C8B: variants seen among roughly 807,000 people sequenced by gnomAD.
C8B encodes the protein complement component C8 beta chain.
C8B carries 67 observed loss-of-function variants against 64.6 expected under a neutral mutation model. The observed-to-expected ratio is 1.04, with a 90% CI of 0.85 to 1.27. The LOEUF is 1.27. Among genes scored for constraint, C8B ranks in the 50% most tolerant of loss-of-function variants. C8B has a pLI of 0.00. For missense variants in C8B, 790 were observed against 725.2 expected (o/e 1.09, Z -1.03); for synonymous variants, 284 against 257.7 (o/e 1.10, Z -0.98).
At chr1:56,942,587 C>T (rs1374434576) in intron 8 of C8B, among the ~76,000 whole-genome samples, 1 of 152,006 alleles carries the variant, frequency 6.6e-6, no homozygotes, top group African/African-American at 2.4e-5. Flanking sequence ...TGCCTGTAGT[C>T]CCAGCTTTTG....
At chr1:56,935,338 T>A (rs2101365690) in intron 9 of C8B, among the ~76,000 whole-genome samples, 1 of 152,298 alleles carries the variant, frequency 6.6e-6, no homozygotes, top group East Asian at 1.9e-4. Flanking sequence ...GCTGCTCATT[T>A]TTTTCCTGTC....
At chr1:56,951,896 C>A (rs1645025148) in intron 5 of C8B, 152 bp downstream of exon 5, 1 of 802,666 alleles carries the variant, frequency 1.2e-6, no homozygotes, top group African/African-American at 1.7e-5. Context: ...ATCTTCACCA[C>A]AATGTCTGGA....
intron 6 of C8B, among the ~76,000 whole-genome samples, chr1:56,947,132 T>C (rs1644953912): frequency 6.6e-6 from 1 of 152,236 alleles, no homozygotes; most frequent in Non-Finnish European, 1.5e-5. Flanking sequence ...CCTCCTTCAA[T>C]GCCCCAGTCA....
chr1:56,938,367 C>T (rs1412200593), intron 9 of C8B, among the ~76,000 whole-genome samples: 1 of 152,190 alleles, frequency 6.6e-6, no homozygotes, highest in African/African-American at 2.4e-5. Context: ...TGTTTGGCTT[C>T]CTGTATTCAG....
chr1:56,945,731 G>A, intron 7 of C8B, 90 bp downstream of exon 7: 7 of 1,514,814 alleles, frequency 4.6e-6, no homozygotes, highest in East Asian at 2.3e-5. Context: ...CTGTGAAGGT[G>A]TAGCCAGGAA....
At chr1:56,934,892 C>T (rs1411501762) in intron 9 of C8B, among the ~76,000 whole-genome samples, 1 of 152,146 alleles carries the variant, frequency 6.6e-6, no homozygotes, top group East Asian at 1.9e-4. Flanking sequence ...TGAAAGGCTG[C>T]CATTAACCAA....
intron 9 of C8B, among the ~76,000 whole-genome samples, chr1:56,939,328 CA>C (rs1328970821): frequency 6.3e-4 from 96 of 152,310 alleles, no homozygotes; most frequent in African/African-American, 2.3e-3. Flanking sequence ...TGTTTGCCAG[CA>C]ACTGTACCCT....
In C8B at chr1:56,943,719, C is replaced by T. The variant is rs1350539959; in HGVS notation, c.1211G>A (p.Arg404Lys). The T allele has an allele frequency of 6.2e-7, 1 of 1,614,120 alleles. No homozygotes were observed. Among genetic ancestry groups the T allele is most frequent in the Admixed American group, 1.7e-5 (1 of 60,012 alleles). The part of the protein sequence containing the change: ...VSLGVSVGKC[R>K]GILNEIKDRN... ...ACCTTTTATTTCATTCAGAATACCT[C>T]TGCATTTGCCTACAGACACACCCAG... Residue 404 changes from arginine to lysine, a missense_variant, in exon 8 of 12, where the codon AGA becomes AAA. Coordinates refer to ENST00000371237, the MANE Select transcript of C8B (RefSeq NM_000066.4).
At chr1:56,932,946 C>A (rs1033147421) in intron 10 of C8B, among the ~76,000 whole-genome samples, 1 of 152,152 alleles carries the variant, frequency 6.6e-6, no homozygotes, top group African/African-American at 2.4e-5. Context: ...ACTGCAGTGA[C>A]CCCAACATGA....
intron 11 of C8B, 177 bp downstream of exon 11, chr1:56,931,633 A>C: frequency 1.6e-6 from 1 of 607,220 alleles, no homozygotes; most frequent in South Asian, 1.7e-5. Flanking sequence ...GAAATGCATA[A>C]CAATCAATCC....
At chr1:56,963,386 C>T (rs752947924) in intron 1 of C8B, among the ~76,000 whole-genome samples, 16 of 152,120 alleles carry the variant, frequency 1.1e-4, no homozygotes, top group Non-Finnish European at 2.2e-4. Flanking sequence ...CAGCTGCATC[C>T]CCTTTGCAAA....
intron 5 of C8B, among the ~76,000 whole-genome samples, chr1:56,951,836 C>A (rs531875202): frequency 1.3e-5 from 2 of 152,344 alleles, no homozygotes; most frequent in South Asian, 4.1e-4. Flanking sequence ...ATTATGGTTT[C>A]TATTATTACT....
intron 9 of C8B, among the ~76,000 whole-genome samples, chr1:56,935,994 A>G (rs1250264693): frequency 6.6e-6 from 1 of 152,230 alleles, no homozygotes; most frequent in Non-Finnish European, 1.5e-5. Context: ...TTACATCTTC[A>G]GAGTATCCTT....
At chr1:56,946,316 A>G (rs2101410341) in intron 6 of C8B, among the ~76,000 whole-genome samples, 1 of 152,304 alleles carries the variant, frequency 6.6e-6, no homozygotes, top group South Asian at 2.1e-4. Flanking sequence ...TGGGAAGGGT[A>G]ACAAAAGCAG....
chr1:56,939,086 G>A (rs1374930428), intron 9 of C8B, among the ~76,000 whole-genome samples: 3 of 152,176 alleles, frequency 2.0e-5, no homozygotes, highest in African/African-American at 7.2e-5. Flanking sequence ...CAGTGCCCAG[G>A]TAGGCACATT....
chr1:56,959,507 G>T, intron 2 of C8B: 1 of 1,345,440 alleles, frequency 7.4e-7, no homozygotes, highest in Non-Finnish European at 1.0e-6. Context: ...ACCAGTGAAG[G>T]AAGTGGGAAA....
chr1:56,933,438 G>A lies in C8B; in HGVS notation c.1449C>T (p.Ser483=). Residue 483 remains serine (S), a synonymous_variant, in exon 10 of 12, where the codon AGC becomes AGT. Coordinates refer to ENST00000371237, the MANE Select transcript of C8B (RefSeq NM_000066.4). ...LVTATDFAYS[S]TVRQNMKQAL... ...CCTGCTTCATGTTCTGCCTCACTGT[G>A]CTGGAATAGGCAAAATCTGTGGCTG... 1 of 1,613,716 alleles carries A rather than the reference G, an allele frequency of 6.2e-7. No homozygotes were observed. Among genetic ancestry groups the A allele is most frequent in the Non-Finnish European group, 8.5e-7 (1 of 1,179,674 alleles).
At chr1:56,959,463 C>A (rs756287219) in intron 2 of C8B, 6 of 981,854 alleles carry the variant, frequency 6.1e-6, no homozygotes, top group Non-Finnish European at 9.4e-6. Flanking sequence ...GAGGCAGCTC[C>A]TGAGTAGGAG....
In C8B at chr1:56,938,230, T is replaced by A. The variant is rs376531993; in HGVS notation, c.1398+2619A>T. Among the ~76,000 whole-genome samples the A allele has an allele frequency of 3.9e-5, 6 of 152,246 alleles. No individual in the cohort carries two copies. The East Asian group carries it at 5.8e-4, about 15-fold the overall frequency. ...TTTCTTTTCTGCCATTGTTTTAATCTCCCTGTCTCTTGCGTCTGCATTTTA... is the reference window on the plus strand; with the variant it reads ...TTTCTTTTCTGCCATTGTTTTAATCACCCTGTCTCTTGCGTCTGCATTTTA... On this transcript the variant is annotated intron_variant, in intron 9 of 11. Transcript: ENST00000371237.
Sources: gnomAD v4.1 joint callset for allele counts (sites outside exome capture counted in the v4.1 genomes callset) on GRCh38, gnomAD v4.1.1 for gene constraint, MANE v1.5 for transcripts, NCBI Gene and HGNC (gene_info 2026-07-23, HGNC 2026-07-21) for gene names.